Variants in CHODL observed in about 807,000 individuals in gnomAD.
CHODL encodes chondrolectin.
A neutral mutation model predicts 34.5 loss-of-function variants in CHODL; 29 were observed. The observed-to-expected ratio is 0.84, with a 90% confidence interval of 0.63 to 1.15. The LOEUF is 1.15. Among genes scored for constraint, CHODL ranks in the 50% most tolerant of loss-of-function variants. The pLI is 0.00. For synonymous variants in CHODL, 125 were observed against 116.1 expected (o/e 1.08, Z -0.49); for missense variants, 332 against 332.5 (o/e 1.00, Z 0.01).
At chr21:18,140,966 A>G (rs2072794175) in intron 2 of CHODL, among the ~76,000 whole-genome samples, 1 of 152,024 alleles carries the variant, frequency 6.6e-6, no homozygotes, top group Non-Finnish European at 1.5e-5. Flanking sequence ...CATGTTAGAT[A>G]TCTACATTCA....
chr21:17,998,439 C>A (rs929584696), intron 1 of CHODL, among the ~76,000 whole-genome samples: 2 of 152,178 alleles, frequency 1.3e-5, no homozygotes, highest in African/African-American at 4.8e-5. Context: ...TCTCACAGCT[C>A]CATTAGGTGG....
intron 2 of CHODL, among the ~76,000 whole-genome samples, chr21:18,042,040 C>CA: frequency 6.6e-6 from 1 of 151,862 alleles, no homozygotes; most frequent in East Asian, 1.9e-4. Context: ...AAACATTAAA[C>CA]AGCTTATCAC....
Position 18,262,910 on chromosome 21 carries a change from T to C in CHODL, c.737+17T>C. 1 of 1,386,970 alleles carries C rather than the reference T, an allele frequency of 7.2e-7. No homozygotes were observed. Among genetic ancestry groups the C allele is most frequent in the Non-Finnish European group, 1.0e-6 (1 of 981,594 alleles). The allele number at this position is 1,386,970 out of a possible 1,614,324, so 85.9% of individuals were successfully genotyped here. On this transcript the variant is annotated intron_variant, in intron 5 of 5. Transcript: ENST00000299295. ...GCATAAAAGGTAAATAACTCATATATGTAGAGACAATTTGAAAAACTTTAA... is the reference window on the plus strand; with the variant it reads ...GCATAAAAGGTAAATAACTCATATACGTAGAGACAATTTGAAAAACTTTAA...
chr21:18,171,476 G>A (rs1312405588), intron 2 of CHODL, among the ~76,000 whole-genome samples: 1 of 151,572 alleles, frequency 6.6e-6, no homozygotes, highest in Non-Finnish European at 1.5e-5. Flanking sequence ...CAAAGTGCTG[G>A]GATTACAGGC....
At chr21:17,986,879 A>C (rs77685078) in intron 1 of CHODL, among the ~76,000 whole-genome samples, 1 of 152,296 alleles carries the variant, frequency 6.6e-6, no homozygotes, top group East Asian at 1.9e-4. Context: ...GCATTATGAT[A>C]TAGATACATA....
At chr21:18,063,506 G>A (rs948996354) in intron 2 of CHODL, among the ~76,000 whole-genome samples, 3 of 152,082 alleles carry the variant, frequency 2.0e-5, no homozygotes, top group Admixed American at 6.6e-5. Flanking sequence ...AGAGAAAATC[G>A]GTCATGTGCC....
chr21:17,961,891 G>A (rs1233059819), intron 1 of CHODL, among the ~76,000 whole-genome samples: 2 of 152,184 alleles, frequency 1.3e-5, no homozygotes, highest in Non-Finnish European at 2.9e-5. Context: ...AAAGGGTCTA[G>A]TATTTGCTAC....
chr21:18,202,040 C>T (rs994649578), intron 2 of CHODL, among the ~76,000 whole-genome samples: 2 of 152,000 alleles, frequency 1.3e-5, no homozygotes, highest in African/African-American at 4.8e-5. Context: ...CTCCTGACCT[C>T]GTGATCTGCC....
chr21:18,244,945 C>T lies in CHODL; in HGVS notation c.-279C>T. The T allele has an allele frequency of 2.4e-6, 1 of 411,962 alleles. No homozygotes were observed. The highest frequency in any genetic ancestry group is 4.3e-6 in the Non-Finnish European group (1 of 232,638). 25.5% of individuals were successfully genotyped at this position (411,962 alleles called of 1,614,324 possible). ...GGTCCAAGCCGGGGCTTCTGCTTCG[C>T]CTCTAGGACATACACGGGACCCCCT... On this transcript the variant is annotated 5_prime_UTR_variant, in exon 1 of 6. Transcript: ENST00000299295.
intron 1 of CHODL, among the ~76,000 whole-genome samples, chr21:17,973,536 C>A (rs557062910): frequency 1.3e-5 from 2 of 151,532 alleles, no homozygotes; most frequent in Middle Eastern, 6.8e-3. Flanking sequence ...CCTGCCTCAG[C>A]CTCCCAAGTA....
chr21:18,151,082 C>CAAAAAAAAAAAAAAA (rs61176066), intron 2 of CHODL, among the ~76,000 whole-genome samples: 1 of 123,018 alleles, frequency 8.1e-6, no homozygotes. Flanking sequence ...GACTCTGTGT[C>CAAAAAAAAAAAAAAA]AAAAAAAAAA....
At chr21:17,995,364 C>CT (rs1294831135) in intron 1 of CHODL, among the ~76,000 whole-genome samples, 2 of 152,176 alleles carry the variant, frequency 1.3e-5, no homozygotes, top group Non-Finnish European at 2.9e-5. Flanking sequence ...ATGTAGACTG[C>CT]TGGGGCCTTT....
Position 18,256,782 on chromosome 21 carries a change from T to C in CHODL, c.353T>C (p.Leu118Pro), listed in dbSNP as rs2074321655. 6.2e-7 allele frequency: 1 copy of C among 1,614,090 alleles called. No individual in the cohort carries two copies. Among genetic ancestry groups the C allele is most frequent in the Non-Finnish European group, 8.5e-7 (1 of 1,179,966 alleles). Residue 118 changes from leucine (L) to proline (P), a missense_variant, in exon 2 of 6, where the codon CTC becomes CCC. By Grantham distance (98) the Leu-to-Pro change is moderately conservative. Transcript: ENST00000299295. ...DGQTSGACPD[L>P]YQWSDGSNSQ... Reference sequence around the variant, plus strand: ...CAAACATCTGGTGCCTGCCCAGATCTCTACCAGTGGTCTGATGGAAGCAAT... The same window carrying C: ...CAAACATCTGGTGCCTGCCCAGATCCCTACCAGTGGTCTGATGGAAGCAAT...
intron 2 of CHODL, among the ~76,000 whole-genome samples, chr21:18,134,537 A>G (rs1479972277): frequency 6.6e-6 from 1 of 152,208 alleles, no homozygotes; most frequent in Non-Finnish European, 1.5e-5. Context: ...AGCTCTCAGA[A>G]TGTTAGTACG....
intron 1 of CHODL, among the ~76,000 whole-genome samples, chr21:17,954,178 A>G (rs1365895814): frequency 1.3e-5 from 2 of 152,190 alleles, no homozygotes; most frequent in Non-Finnish European, 2.9e-5. Context: ...TACAAGAGAT[A>G]ATGAGTGATA....
At chr21:18,206,201 C>G (rs903892895) in intron 2 of CHODL, among the ~76,000 whole-genome samples, 4 of 152,114 alleles carry the variant, frequency 2.6e-5, no homozygotes, top group Admixed American at 6.5e-5. Context: ...GACTTTCTGT[C>G]TGGATGACTT....
chr21:18,046,187 A>T (rs2064440756), intron 2 of CHODL, among the ~76,000 whole-genome samples: 1 of 152,010 alleles, frequency 6.6e-6, no homozygotes, highest in Non-Finnish European at 1.5e-5. Flanking sequence ...GGCCAACGCC[A>T]GATTCCAAAA....
In CHODL at chr21:18,209,114, G is replaced by C. The variant is rs144619929; in HGVS notation, c.-44-47395G>C. On this transcript the variant is annotated intron_variant, in intron 2 of 6. Transcript: ENST00000400127. Reference sequence around the variant, plus strand: ...TGTATTCTTTTCTTCAGGATGGCAAGATCTCCCTGGCCCTGGGCAGATCCA... The same window carrying C: ...TGTATTCTTTTCTTCAGGATGGCAACATCTCCCTGGCCCTGGGCAGATCCA... Among the ~76,000 whole-genome samples the C allele has an allele frequency of 4.7e-4, 71 of 152,312 alleles. 1 individual carries two copies. In the East Asian group the frequency reaches 0.013, roughly 28 times the overall value.
Position 18,059,677 on chromosome 21 carries a change from G to T in CHODL, c.-45+31706G>T, listed in dbSNP as rs207796. Among the ~76,000 whole-genome samples, 3 of 151,852 alleles carry T rather than the reference G, an allele frequency of 2.0e-5. No individual in the cohort carries two copies. In the South Asian group the frequency reaches 6.2e-4, roughly 32 times the overall value. ...GCACCCCCAATAGGGCCCAGTGTGA[G>T]TTGTTCCCCCTGACGTGTCTGTGTA... On this transcript the variant is annotated intron_variant, in intron 2 of 6. Transcript: ENST00000400127.
Sources: gnomAD v4.1 joint callset for allele counts (sites outside exome capture counted in the v4.1 genomes callset) on GRCh38, gnomAD v4.1.1 for gene constraint, MANE v1.5 for transcripts, NCBI Gene and HGNC (gene_info 2026-07-23, HGNC 2026-07-21) for gene names.